The following PPEF1 variants were observed in gnomAD, a reference collection of about 807,000 sequenced individuals.
PPEF1 encodes the protein protein phosphatase with EF-hand domain 1.
Under a neutral mutation model 53.3 loss-of-function variants are expected in PPEF1, and 12 were observed. The ratio of observed to expected loss-of-function variants is 0.23; its 90% CI spans 0.14 to 0.36. PPEF1 has a LOEUF of 0.36. Ranked by LOEUF, PPEF1 falls within the 10% of genes least tolerant of loss-of-function variation. The pLI is 1.00. For missense variants in PPEF1, 334 were observed against 490.4 expected (o/e 0.68, Z 3.01); for synonymous variants, 165 against 176.7 (o/e 0.93, Z 0.52).
chrX:18,783,111 C>CAAA (rs139197097), intron 8 of PPEF1, among the ~76,000 whole-genome samples: 1 of 59,164 alleles, frequency 1.7e-5, no homozygotes, highest in Admixed American at 2.3e-4. Context: ...GACTCCATCT[C>CAAA]AAAAAAAAAA....
chrX:18,698,566 C>T (rs926224137), intron 5 of PPEF1, among the ~76,000 whole-genome samples: 1 of 111,788 alleles, frequency 8.9e-6, no homozygotes, highest in South Asian at 3.7e-4. Context: ...AGGCAGATCA[C>T]CTGAGGCTAG....
intron 4 of PPEF1, among the ~76,000 whole-genome samples, chrX:18,694,056 A>G (rs1036248737): frequency 3.6e-5 from 4 of 111,356 alleles, no homozygotes; most frequent in Non-Finnish European, 3.8e-5. Context: ...ATGCGATATA[A>G]CTGTCTGTAT....
chrX:18,785,069 T>G (rs1312677793), intron 9 of PPEF1, among the ~76,000 whole-genome samples: 1 of 111,746 alleles, frequency 8.9e-6, no homozygotes, highest in Admixed American at 9.5e-5. Context: ...GGTCTAGAGC[T>G]GGAATTTAAT....
chrX:18,700,985 T>C (rs1325370952), intron 6 of PPEF1, among the ~76,000 whole-genome samples: 9 of 112,261 alleles, frequency 8.0e-5, no homozygotes, highest in Non-Finnish European at 1.7e-4. Context: ...TTTTGTTCTT[T>C]AATGATTAAA....
intron 6 of PPEF1, among the ~76,000 whole-genome samples, chrX:18,774,279 G>A (rs1466075057): frequency 9.0e-6 from 1 of 111,559 alleles, no homozygotes; most frequent in East Asian, 2.8e-4. Flanking sequence ...AGTAGAAACA[G>A]GGTTTCTCCA....
At chrX:18,777,332 A>G (rs2045986496) in intron 6 of PPEF1, among the ~76,000 whole-genome samples, 1 of 112,491 alleles carries the variant, frequency 8.9e-6, no homozygotes, top group Non-Finnish European at 1.9e-5. Flanking sequence ...TTATACTGAT[A>G]TGAGCAATTT....
intron 4 of PPEF1, among the ~76,000 whole-genome samples, chrX:18,693,521 GCA>G (rs1234341309): frequency 8.9e-6 from 1 of 112,168 alleles, no homozygotes; most frequent in Non-Finnish European, 1.9e-5. Flanking sequence ...TGCAAAAACC[GCA>G]GTTACTTTTG....
chrX:18,745,262 A>G (rs1352163475), intron 3 of PPEF1, among the ~76,000 whole-genome samples: 1 of 101,925 alleles, frequency 9.8e-6, no homozygotes, highest in Non-Finnish European at 2.0e-5. Context: ...CACCCAGACT[A>G]GAGCACAGTA....
At chrX:18,777,971 C>T (rs2046003829) in intron 6 of PPEF1, among the ~76,000 whole-genome samples, 1 of 110,604 alleles carries the variant, frequency 9.0e-6, no homozygotes, top group Admixed American at 9.6e-5. Flanking sequence ...TCTCAAACTC[C>T]TGAACTCAAG....
Position 18,816,631 on chromosome X carries a change from T to C in PPEF1, c.1395-1408T>C, listed in dbSNP as rs146168316. Among the ~76,000 whole-genome samples, 883 of 111,878 alleles carry C rather than the reference T, an allele frequency of 7.9e-3. 15 individuals carry two copies. The highest frequency in any genetic ancestry group is 0.027 in the African/African-American group (821 of 30,840). On this transcript the variant is annotated intron_variant, in intron 12 of 15. Coordinates refer to ENST00000470157, the MANE Select transcript of PPEF1 (RefSeq NM_001377996.1). Reference sequence around the variant, plus strand: ...TTCATCCATTACTGAAAGTCGACTATTGAAGTCTCAATATTATTGTTGAAT... The same window carrying C: ...TTCATCCATTACTGAAAGTCGACTACTGAAGTCTCAATATTATTGTTGAAT...
chrX:18,710,568 C>T (rs181793426), intron 1 of PPEF1, among the ~76,000 whole-genome samples: 5 of 111,359 alleles, frequency 4.5e-5, no homozygotes, highest in Admixed American at 9.6e-5. Context: ...AACAAACACA[C>T]GAAAAAAATG....
At chrX:18,792,889 T>A (rs1460872802) in intron 10 of PPEF1, among the ~76,000 whole-genome samples, 1 of 111,550 alleles carries the variant, frequency 9.0e-6, no homozygotes, top group Non-Finnish European at 1.9e-5. Context: ...CATTGGTTAC[T>A]TGGGGTACAC....
intron 6 of PPEF1, among the ~76,000 whole-genome samples, chrX:18,764,064 G>T (rs1011656430): frequency 3.6e-5 from 4 of 111,806 alleles, no homozygotes; most frequent in African/African-American, 1.3e-4. Flanking sequence ...GGACTGGAAT[G>T]CTGACCGACT....
rs938721273 is a variant in PPEF1, at chrX:18,723,021, G to T, written c.47-7160G>T. 5.6e-5 allele frequency among the ~76,000 whole-genome samples: 6 copies of T among 107,765 alleles called. No homozygotes were observed. In the East Asian group the frequency reaches 1.7e-3, roughly 31 times the overall value. 93.6% of individuals were successfully genotyped at this position (107,765 alleles called of 115,157 possible). On this transcript the variant is annotated intron_variant, in intron 1 of 15. Coordinates refer to ENST00000470157, the MANE Select transcript of PPEF1 (RefSeq NM_001377996.1). ...TTTTTTTGTGACGGAGTCTCGCTCT[G>T]TCGCCCAGGCTAGAGTGCAGTGGTG...
At chrX:18,686,623 A>G (rs1569239016) in intron 3 of PPEF1, among the ~76,000 whole-genome samples, 1 of 111,106 alleles carries the variant, frequency 9.0e-6, no homozygotes, top group East Asian at 2.8e-4. Context: ...CATGCAAATC[A>G]CTTGGCTAAA....
intron 3 of PPEF1, among the ~76,000 whole-genome samples, chrX:18,748,183 C>T (rs970257992): frequency 3.6e-5 from 4 of 112,396 alleles, no homozygotes; most frequent in African/African-American, 1.3e-4. Flanking sequence ...ACATTAAAGA[C>T]AGACATTATT....
upstream of PPEF1, among the ~76,000 whole-genome samples, chrX:18,702,923 G>T (rs2044114484): frequency 9.0e-6 from 1 of 111,243 alleles, no homozygotes; most frequent in African/African-American, 3.3e-5. Context: ...TTGGGCGTTT[G>T]TGAACCCTGT....
intron 3 of PPEF1, among the ~76,000 whole-genome samples, chrX:18,744,710 C>A (rs964826679): frequency 9.3e-6 from 1 of 107,948 alleles, no homozygotes; most frequent in African/African-American, 3.3e-5. Flanking sequence ...CATTGGTTAT[C>A]GGTAGTGTTT....
intron 6 of PPEF1, among the ~76,000 whole-genome samples, chrX:18,777,834 C>A (rs1569262513): frequency 9.0e-6 from 1 of 110,708 alleles, no homozygotes; most frequent in African/African-American, 3.3e-5. Context: ...CAACCTCTGC[C>A]TCCCGGGTTC....
Sources: allele counts gnomAD v4.1 joint callset (sites outside exome capture counted in the v4.1 genomes callset), GRCh38; gene constraint gnomAD v4.1.1; transcripts MANE v1.5; gene names NCBI Gene and HGNC (gene_info 2026-07-23, HGNC 2026-07-21).